The following SYT1 variants were observed in gnomAD, a reference collection of about 807,000 sequenced individuals.
SYT1 encodes synaptotagmin 1.
A neutral mutation model predicts 44.8 loss-of-function variants in SYT1; 8 were observed. That is an observed-to-expected ratio of 0.18 (90% confidence interval 0.10 to 0.32). The LOEUF (loss-of-function observed/expected upper bound fraction) is 0.32. SYT1 is among the 10% of genes least tolerant of loss of function. The pLI is 1.00. For synonymous variants in SYT1, 154 were observed against 188.8 expected, an observed-to-expected ratio of 0.82 and a Z score of 1.51; for missense variants, 286 against 509.3, an observed-to-expected ratio of 0.56 and a Z score of 4.22.
At chr12:79,398,640 A>G (rs1056012236) in intron 9 of SYT1, among the ~76,000 whole-genome samples, 6 of 152,348 alleles carry the variant, frequency 3.9e-5, no homozygotes, top group Admixed American at 2.6e-4. Flanking sequence ...AAAATATGAT[A>G]AATGTTAACT....
intron 1 of SYT1, among the ~76,000 whole-genome samples, chr12:78,975,526 C>A (rs542801167): frequency 6.6e-6 from 1 of 152,124 alleles, no homozygotes; most frequent in Non-Finnish European, 1.5e-5. Context: ...CTGGTGGGAG[C>A]TGGTAATATC....
intron 1 of SYT1, among the ~76,000 whole-genome samples, chr12:78,926,348 G>A (rs1294858083): frequency 6.6e-6 from 1 of 152,018 alleles, no homozygotes; most frequent in South Asian, 2.1e-4. Flanking sequence ...GAAGTCTTCT[G>A]TGCATACTTA....
rs1421551723 is a variant in SYT1 at position 79,451,179 on chromosome 12, C to T, written c.*2055C>T. 6.6e-6 allele frequency: 1 copy of T among 152,148 alleles called. No homozygotes were observed. Among genetic ancestry groups the T allele is most frequent in the Non-Finnish European group, 1.5e-5 (1 of 68,040 alleles). 9.4% of individuals were successfully genotyped at this position (152,148 alleles called of 1,614,324 possible). Reference sequence around the variant, plus strand: ...TCAAAGAAGGGGCAAGCTCTTTTGCCTTTTAGGCCAGACATAGCAAACGCT... The same window carrying T: ...TCAAAGAAGGGGCAAGCTCTTTTGCTTTTTAGGCCAGACATAGCAAACGCT... On this transcript the variant is annotated 3_prime_UTR_variant, in exon 11 of 11. Coordinates refer to ENST00000261205, the MANE Select transcript of SYT1 (RefSeq NM_005639.3).
At chr12:78,874,325 A>G (rs1873959392) in intron 1 of SYT1, among the ~76,000 whole-genome samples, 1 of 151,606 alleles carries the variant, frequency 6.6e-6, no homozygotes, top group South Asian at 2.1e-4. Context: ...TCAGAAGAAG[A>G]GAATAGATGG....
At chr12:78,965,915 A>G (rs1271344100) in intron 1 of SYT1, among the ~76,000 whole-genome samples, 1 of 151,968 alleles carries the variant, frequency 6.6e-6, no homozygotes, top group Non-Finnish European at 1.5e-5. Context: ...CGTCTCTACT[A>G]AAAATACAAA....
At chr12:79,040,930 T>C (rs1264404794) in intron 2 of SYT1, among the ~76,000 whole-genome samples, 3 of 151,186 alleles carry the variant, frequency 2.0e-5, no homozygotes, top group African/African-American at 4.8e-5. Flanking sequence ...GATCAGATAG[T>C]TGTAGATATG....
intron 9 of SYT1, among the ~76,000 whole-genome samples, chr12:79,358,349 T>C (rs1315812640): frequency 6.6e-6 from 1 of 152,208 alleles, no homozygotes; most frequent in Non-Finnish European, 1.5e-5. Context: ...CTGAGAATTA[T>C]TTTTAACTGT....
intron 9 of SYT1, among the ~76,000 whole-genome samples, chr12:79,417,133 T>G (rs1868790941): frequency 1.3e-5 from 2 of 152,176 alleles, no homozygotes; most frequent in South Asian, 4.1e-4. Flanking sequence ...GTTCATTTAG[T>G]CTTCCCTGCT....
chr12:79,195,134 T>C (rs1238211812), intron 3 of SYT1, among the ~76,000 whole-genome samples: 4 of 152,214 alleles, frequency 2.6e-5, no homozygotes, highest in African/African-American at 9.6e-5. Context: ...ATCTGCTCTC[T>C]AGTTGCTAGG....
chr12:79,359,739 A>G (rs572219992), intron 9 of SYT1, among the ~76,000 whole-genome samples: 13 of 152,234 alleles, frequency 8.5e-5, no homozygotes, highest in Admixed American at 7.8e-4. Flanking sequence ...TTAAATGTTA[A>G]TCATGGGTTT....
chr12:79,318,894 T>A (rs905056773), intron 8 of SYT1, among the ~76,000 whole-genome samples: 1 of 152,240 alleles, frequency 6.6e-6, no homozygotes, highest in Non-Finnish European at 1.5e-5. Context: ...TGGAATTTTA[T>A]GTTTTTATTT....
intron 4 of SYT1, among the ~76,000 whole-genome samples, chr12:79,241,339 C>T (rs1200188435): frequency 6.6e-6 from 1 of 151,916 alleles, no homozygotes; most frequent in African/African-American, 2.4e-5. Context: ...GGCACGATCT[C>T]GGCTCACTGC....
chr12:78,917,103 A>G (rs1289633422), intron 1 of SYT1, among the ~76,000 whole-genome samples: 2 of 151,924 alleles, frequency 1.3e-5, no homozygotes, highest in Non-Finnish European at 2.9e-5. Flanking sequence ...TTTTTTTTAT[A>G]TTTTGTAGGA....
intron 3 of SYT1, among the ~76,000 whole-genome samples, chr12:79,085,462 GA>G (rs1267947700): frequency 6.6e-6 from 1 of 152,046 alleles, no homozygotes; most frequent in Non-Finnish European, 1.5e-5. Flanking sequence ...ATATGTGGTG[GA>G]AAATGCAACT....
Position 79,091,678 on chromosome 12 carries a change from A to G in SYT1, c.-18+44316A>G, listed in dbSNP as rs1877784649. Reference sequence around the variant, plus strand: ...TGTTATTTTGGAGAGTTGCAGTCAGACATTAGAGGAAACTAACAATTTCAG... The same window carrying G: ...TGTTATTTTGGAGAGTTGCAGTCAGGCATTAGAGGAAACTAACAATTTCAG... On this transcript the variant is annotated intron_variant, in intron 3 of 10. Transcript: ENST00000261205. Among the ~76,000 whole-genome samples, 5 of 152,112 alleles carry G rather than the reference A, an allele frequency of 3.3e-5. No homozygotes were observed. The South Asian group carries it at 1.0e-3, about 31-fold the overall frequency.
intron 1 of SYT1, among the ~76,000 whole-genome samples, chr12:78,929,409 C>CACAAAAA (rs1877498423): frequency 2.3e-5 from 1 of 43,766 alleles, no homozygotes; most frequent in African/African-American, 1.2e-4. Context: ...GACTCCGTCC[C>CACAAAAA]AAAAAAAAAA....
chr12:78,996,547 G>A (rs1870394571), intron 2 of SYT1, among the ~76,000 whole-genome samples: 1 of 152,130 alleles, frequency 6.6e-6, no homozygotes, highest in Non-Finnish European at 1.5e-5. Context: ...TAATAGTCAA[G>A]GGTATTCTTT....
intron 9 of SYT1, among the ~76,000 whole-genome samples, chr12:79,369,686 T>G (rs992313419): frequency 4.6e-5 from 7 of 152,226 alleles, no homozygotes; most frequent in Admixed American, 3.9e-4. Context: ...AGTATGTAGA[T>G]GTACCTGTAT....
At chr12:79,278,373 T>TA (rs1436985980) in intron 4 of SYT1, among the ~76,000 whole-genome samples, 2 of 152,016 alleles carry the variant, frequency 1.3e-5, no homozygotes, top group Non-Finnish European at 2.9e-5. Context: ...CTCAAAACTA[T>TA]AAAAAACACA....
Sources: gnomAD v4.1 joint callset for allele counts (sites outside exome capture counted in the v4.1 genomes callset) on GRCh38, gnomAD v4.1.1 for gene constraint, MANE v1.5 for transcripts, NCBI Gene and HGNC (gene_info 2026-07-23, HGNC 2026-07-21) for gene names.